The following SPMIP2 variants were observed in gnomAD, a reference collection of about 807,000 sequenced individuals.
SPMIP2 encodes sperm microtubule inner protein 2.
At chr4:158,901,412 C>T in the SPMIP2 span, among the ~76,000 whole-genome samples, 1 of 152,014 alleles carries the variant, frequency 6.6e-6, no homozygotes, top group Non-Finnish European at 1.5e-5. Flanking sequence ...CTCTGGCTGC[C>T]CTTAACATTT....
the SPMIP2 span, among the ~76,000 whole-genome samples, chr4:158,935,368 A>G: frequency 1.3e-5 from 2 of 152,160 alleles, no homozygotes. Flanking sequence ...CTGGGACACA[A>G]TGATTCCCTC....
At chr4:159,053,251 C>T in the SPMIP2 span, among the ~76,000 whole-genome samples, 1 of 152,070 alleles carries the variant, frequency 6.6e-6, no homozygotes, top group African/African-American at 2.4e-5. Context: ...CCACCGCGCC[C>T]GGCCGACTAT....
the SPMIP2 span, among the ~76,000 whole-genome samples, chr4:159,030,203 A>G: frequency 6.6e-6 from 1 of 152,198 alleles, no homozygotes; most frequent in African/African-American, 2.4e-5. Context: ...TCTTGAGCCC[A>G]GGAGTTCAAG....
the SPMIP2 span, among the ~76,000 whole-genome samples, chr4:158,992,480 T>C: frequency 6.6e-6 from 1 of 152,158 alleles, no homozygotes; most frequent in Admixed American, 6.5e-5. Context: ...AATGTGAGAG[T>C]AGATATTTAT....
At chr4:158,901,128 A>ATTTTTTTTT in the SPMIP2 span, among the ~76,000 whole-genome samples, 2 of 112,302 alleles carry the variant, frequency 1.8e-5, no homozygotes, top group African/African-American at 7.4e-5. Context: ...CTGGGTTGAA[A>ATTTTTTTTT]TTTTTTTTTT....
At chr4:159,017,908 A>G in the SPMIP2 span, among the ~76,000 whole-genome samples, 1 of 152,212 alleles carries the variant, frequency 6.6e-6, no homozygotes, top group Non-Finnish European at 1.5e-5. Context: ...GATGTGGGCT[A>G]GAATAAGAAT....
chr4:158,907,150 T>G, the SPMIP2 span: 2 of 152,246 alleles, frequency 1.3e-5, no homozygotes, highest in Non-Finnish European at 2.9e-5. Context: ...CAGTTTTATT[T>G]TTAATAAATT....
At chr4:158,972,665 C>T in the SPMIP2 span, among the ~76,000 whole-genome samples, 48 of 152,334 alleles carry the variant, frequency 3.2e-4, 1 homozygote, top group East Asian at 5.2e-3. Flanking sequence ...AAGGCATTAT[C>T]AGTACAGTGA....
At chr4:158,954,616 T>C in the SPMIP2 span, among the ~76,000 whole-genome samples, 2 of 152,252 alleles carry the variant, frequency 1.3e-5, no homozygotes, top group African/African-American at 4.8e-5. Flanking sequence ...ACTACCAAAA[T>C]AAGAAGTTGT....
chr4:159,073,198 GGCTGGAGTGCAGTGGC>G, the SPMIP2 span, among the ~76,000 whole-genome samples: 15 of 152,142 alleles, frequency 9.9e-5, no homozygotes, highest in East Asian at 2.9e-3. Flanking sequence ...TTGTCACCCA[GGCTGGAGTGCAGTGGC>G]GCAAACACGG....
chr4:158,974,482 CTTG>C, the SPMIP2 span, among the ~76,000 whole-genome samples: 1 of 151,996 alleles, frequency 6.6e-6, no homozygotes, highest in Non-Finnish European at 1.5e-5. Flanking sequence ...AACAGGCCCC[CTTG>C]TGTAATATTC....
chr4:159,046,079 G>A, the SPMIP2 span, among the ~76,000 whole-genome samples: 6 of 152,044 alleles, frequency 3.9e-5, no homozygotes, highest in Non-Finnish European at 8.8e-5. Context: ...GCGAAACTCT[G>A]TCTGCAAAAA....
At chr4:159,061,350 T>C in the SPMIP2 span, among the ~76,000 whole-genome samples, 6 of 152,040 alleles carry the variant, frequency 3.9e-5, no homozygotes, top group African/African-American at 1.4e-4. Context: ...TCAGCCCACC[T>C]TTCAGAAAAC....
chr4:158,939,687 A>G, the SPMIP2 span, among the ~76,000 whole-genome samples: 2 of 152,062 alleles, frequency 1.3e-5, no homozygotes, highest in Non-Finnish European at 1.5e-5. Context: ...ATTTGTTGAA[A>G]AAAACTGGGG....
At chr4:159,038,045 A>G in the SPMIP2 span, among the ~76,000 whole-genome samples, 1 of 151,572 alleles carries the variant, frequency 6.6e-6, no homozygotes, top group Non-Finnish European at 1.5e-5. Context: ...CAACCAGTCC[A>G]CTATTAGTGG....
the SPMIP2 span, among the ~76,000 whole-genome samples, chr4:159,059,527 C>A: frequency 1.1e-4 from 17 of 152,138 alleles, no homozygotes; most frequent in Non-Finnish European, 2.9e-5. Flanking sequence ...TGTGCACCAC[C>A]AAACTCAGAT....
chr4:159,036,365 T>G, the SPMIP2 span, among the ~76,000 whole-genome samples: 1 of 152,222 alleles, frequency 6.6e-6, no homozygotes, highest in Admixed American at 6.5e-5. Context: ...GGGGTCTGCC[T>G]TGGCTGCAGA....
At chr4:159,044,540 G>A in the SPMIP2 span, among the ~76,000 whole-genome samples, 40 of 151,924 alleles carry the variant, frequency 2.6e-4, no homozygotes, top group Middle Eastern at 0.014. Context: ...AAATAATGTC[G>A]TGGTGGAGAA....
chr4:158,946,709 C>T, the SPMIP2 span, among the ~76,000 whole-genome samples: 2 of 152,190 alleles, frequency 1.3e-5, no homozygotes, highest in African/African-American at 4.8e-5. Flanking sequence ...ACACATCATT[C>T]ATTTACCAAA....
Sources: gnomAD v4.1 joint callset for allele counts (sites outside exome capture counted in the v4.1 genomes callset) on GRCh38, gnomAD v4.1.1 for gene constraint, MANE v1.5 for transcripts, NCBI Gene and HGNC (gene_info 2026-07-23, HGNC 2026-07-21) for gene names.